Variants in SNTG1 observed in about 807,000 individuals in gnomAD.
SNTG1 encodes syntrophin gamma 1, also known as gamma-1-syntrophin.
Under a neutral mutation model 74.7 loss-of-function variants are expected in SNTG1, and 39 were observed. The observed-to-expected ratio is 0.52, with a 90% CI of 0.40 to 0.68. The LOEUF (loss-of-function observed/expected upper bound fraction) is 0.68, where lower values mean the gene tolerates loss of function less well. Among genes scored for constraint, SNTG1 ranks in the 30% least tolerant of loss-of-function variants. The pLI is 0.00. For missense variants in SNTG1, 685 were observed against 609.5 expected (o/e 1.12, Z -1.30); for synonymous variants, 254 against 217.1 (o/e 1.17, Z -1.49).
intron 2 of SNTG1, among the ~76,000 whole-genome samples, chr8:50,224,476 A>G (rs1336621653): frequency 6.6e-6 from 1 of 152,220 alleles, no homozygotes; most frequent in East Asian, 1.9e-4. Flanking sequence ...CTAGGCCTCA[A>G]GGATGTGACT....
intron 4 of SNTG1, among the ~76,000 whole-genome samples, chr8:50,434,986 C>A (rs1001170773): frequency 6.6e-6 from 1 of 152,016 alleles, no homozygotes; most frequent in Non-Finnish European, 1.5e-5. Flanking sequence ...ATATGTGATG[C>A]CAACTTTTTT....
chr8:50,447,589 TC>T (rs1377821936), intron 5 of SNTG1, among the ~76,000 whole-genome samples: 2 of 137,872 alleles, frequency 1.5e-5, no homozygotes, highest in Non-Finnish European at 3.4e-5. Flanking sequence ...TAGACTTCAT[TC>T]ATTCATTCAT....
chr8:50,650,183 ATAATT>A (rs1251598313), intron 13 of SNTG1, among the ~76,000 whole-genome samples: 1 of 152,068 alleles, frequency 6.6e-6, no homozygotes, highest in Non-Finnish European at 1.5e-5. Context: ...ATTTCTATTT[ATAATT>A]TAAAGATTCT....
intron 2 of SNTG1, among the ~76,000 whole-genome samples, chr8:50,255,920 C>T (rs4633068): frequency 0.56 from 85,825 of 152,042 alleles, 27,968 homozygotes; most frequent in East Asian, 0.83. Context: ...TCCATTACCC[C>T]GTAGGACAGG....
At chr8:50,671,333 A>C (rs1246017988) in intron 15 of SNTG1, among the ~76,000 whole-genome samples, 2 of 151,840 alleles carry the variant, frequency 1.3e-5, no homozygotes, top group Non-Finnish European at 2.9e-5. Context: ...CAATGAACTC[A>C]AACAAATTTA....
chr8:50,042,787 C>A (rs543820672), intron 1 of SNTG1, among the ~76,000 whole-genome samples: 1 of 150,232 alleles, frequency 6.7e-6, no homozygotes, highest in African/African-American at 2.5e-5. Context: ...AGTCTAAATT[C>A]TTGGATTCCA....
chr8:50,617,423 G>A (rs568869496), intron 13 of SNTG1, among the ~76,000 whole-genome samples: 3 of 146,056 alleles, frequency 2.1e-5, no homozygotes, highest in Non-Finnish European at 4.5e-5. Flanking sequence ...CATAAATAAC[G>A]AAAAACAAGA....
intron 2 of SNTG1, among the ~76,000 whole-genome samples, chr8:50,385,068 G>A (rs1402909113): frequency 6.6e-6 from 1 of 152,158 alleles, no homozygotes; most frequent in East Asian, 1.9e-4. Context: ...CTTGTCCTGT[G>A]ATTCACCTAC....
chr8:50,722,741 T>C (rs1268337240), intron 17 of SNTG1, among the ~76,000 whole-genome samples: 1 of 152,214 alleles, frequency 6.6e-6, no homozygotes, highest in Non-Finnish European at 1.5e-5. Context: ...GTAAAAGTGC[T>C]GGGATTTGTT....
At chr8:49,948,676 C>T (rs1809424713) in intron 1 of SNTG1, among the ~76,000 whole-genome samples, 1 of 152,158 alleles carries the variant, frequency 6.6e-6, no homozygotes, top group South Asian at 2.1e-4. Flanking sequence ...CCTCTGTCTC[C>T]TCTAGAGGCT....
intron 15 of SNTG1, among the ~76,000 whole-genome samples, chr8:50,685,376 T>C (rs535195644): frequency 2.0e-5 from 3 of 152,300 alleles, no homozygotes; most frequent in East Asian, 1.9e-4. Context: ...CTACCTTATA[T>C]AAGCCCCTTT....
At chr8:50,686,555 A>G (rs1327939213) in intron 15 of SNTG1, among the ~76,000 whole-genome samples, 1 of 152,180 alleles carries the variant, frequency 6.6e-6, no homozygotes, top group Admixed American at 6.5e-5. Context: ...GAAATAAAGA[A>G]TTAATTTGTA....
intron 13 of SNTG1, among the ~76,000 whole-genome samples, chr8:50,621,361 G>A (rs574100526): frequency 6.6e-6 from 1 of 152,260 alleles, no homozygotes; most frequent in African/African-American, 2.4e-5. Flanking sequence ...GGTGATTCAT[G>A]AAGTAACATC....
At chr8:49,916,499 T>G (rs2449958) in intron 1 of SNTG1, among the ~76,000 whole-genome samples, 20,059 of 152,188 alleles carry the variant, frequency 0.13, 1,500 homozygotes, top group Middle Eastern at 0.2. Context: ...CTTCATCATA[T>G]GTAATGTACA....
intron 2 of SNTG1, among the ~76,000 whole-genome samples, chr8:50,280,979 C>A (rs1586943602): frequency 2.8e-5 from 3 of 108,546 alleles, no homozygotes; most frequent in East Asian, 2.6e-4. Flanking sequence ...TGGTGAAACC[C>A]AGTCTCAAAA....
At chr8:50,142,712 G>A (rs372326472) in intron 1 of SNTG1, among the ~76,000 whole-genome samples, 1 of 152,044 alleles carries the variant, frequency 6.6e-6, no homozygotes, top group Non-Finnish European at 1.5e-5. Flanking sequence ...ATGAATACAG[G>A]TTGATGGATG....
intron 1 of SNTG1, among the ~76,000 whole-genome samples, chr8:50,036,514 G>A (rs922445969): frequency 6.6e-6 from 1 of 152,114 alleles, no homozygotes; most frequent in African/African-American, 2.4e-5. Flanking sequence ...CTATCATCAT[G>A]CTTACTGCAC....
At chr8:50,622,792 G>A (rs1160442954) in intron 13 of SNTG1, among the ~76,000 whole-genome samples, 1 of 151,920 alleles carries the variant, frequency 6.6e-6, no homozygotes, top group East Asian at 1.9e-4. Flanking sequence ...ATTAGCAGAT[G>A]AAATTTCTAA....
chr8:50,677,998 G>A (rs2095315830), intron 15 of SNTG1, among the ~76,000 whole-genome samples: 1 of 151,678 alleles, frequency 6.6e-6, no homozygotes, highest in African/African-American at 2.4e-5. Context: ...GCAAGGGGAG[G>A]GAATTTAGTG....
Sources: allele counts gnomAD v4.1 joint callset (sites outside exome capture counted in the v4.1 genomes callset), GRCh38; gene constraint gnomAD v4.1.1; transcripts MANE v1.5; gene names NCBI Gene and HGNC (gene_info 2026-07-23, HGNC 2026-07-21).